Variants in GOSR2 observed in about 807,000 individuals in gnomAD.
GOSR2 encodes golgi SNAP receptor complex member 2.
GOSR2 carries 20 observed loss-of-function variants against 27.9 expected under a neutral mutation model. The observed-to-expected ratio is 0.72, with a 90% CI of 0.50 to 1.04. The LOEUF is 1.04. GOSR2 is among the 50% of genes least tolerant of loss of function. The probability of loss-of-function intolerance (pLI) is 0.00; values close to 1 mark genes in which losing one functional copy is unlikely to be tolerated. For synonymous variants in GOSR2, 91 were observed against 98.8 expected (o/e 0.92, Z 0.47); for missense variants, 261 against 270.5 (o/e 0.97, Z 0.25).
chr17:46,931,107 A>C lies in GOSR2; in HGVS notation c.103A>C (p.Asn35His). 1 of 1,579,566 alleles carries C rather than the reference A, an allele frequency of 6.3e-7. No homozygotes were observed. The highest frequency in any genetic ancestry group is 1.8e-4 in the Middle Eastern group (1 of 5,618). The part of the protein sequence containing the change: ...ADKQSVHIVE[N>H]EIQASIDQIF... ...TTTTCTTTTTTGTACAGTAGTAGAA[A>C]ACGAAATCCAAGCAAGCATAGACCA... The change falls in exon 3 of 6, where the codon AAC becomes CAC. Residue 35 changes from asparagine (N) to histidine (H), a missense_variant. By Grantham distance (68) the Asn-to-His change is moderately conservative (BLOSUM62 1). Coordinates refer to ENST00000640051, the MANE Select transcript of GOSR2 (RefSeq NM_004287.5).
At chr17:46,931,025 AT>A (rs1220330180) in intron 2 of GOSR2, 73 bp from the exon 3 acceptor site, 4 of 854,510 alleles carry the variant, frequency 4.7e-6, no homozygotes, top group Non-Finnish European at 8.1e-6. Flanking sequence ...TGAAAAAAAA[AT>A]CTGTGATTTA....
downstream of GOSR2, among the ~76,000 whole-genome samples, chr17:46,943,070 G>T (rs1383369258): frequency 6.6e-6 from 1 of 152,194 alleles, no homozygotes; most frequent in African/African-American, 2.4e-5. Flanking sequence ...GGGGCATTGG[G>T]AGTTGCCCAA....
chr17:46,962,301 C>T (rs2091104340), intron 6 of GOSR2, among the ~76,000 whole-genome samples: 1 of 149,746 alleles, frequency 6.7e-6, no homozygotes, highest in African/African-American at 2.5e-5. Context: ...TGCACTCCAA[C>T]CTGGGCAATA....
exon 7 of GOSR2, chr17:46,966,873 C>A: frequency 2.5e-6 from 1 of 405,892 alleles, no homozygotes; most frequent in Non-Finnish European, 4.3e-6. Flanking sequence ...CTCTAAATGG[C>A]CATTATGCTA....
intron 6 of GOSR2, among the ~76,000 whole-genome samples, chr17:46,974,732 TCA>T (rs2091429528): frequency 3.8e-5 from 2 of 52,636 alleles, no homozygotes; most frequent in Non-Finnish European, 9.3e-5. Flanking sequence ...AGACTCTCTC[TCA>T]AAAAAAAAAA....
chr17:46,947,499 C>G (rs1368393552), intron 6 of GOSR2, among the ~76,000 whole-genome samples: 1 of 152,134 alleles, frequency 6.6e-6, no homozygotes. Context: ...AGCTGTCAGG[C>G]TGGTGTGGGT....
At chr17:46,933,902 G>C (rs1011560658) in intron 4 of GOSR2, among the ~76,000 whole-genome samples, 18 of 151,122 alleles carry the variant, frequency 1.2e-4, no homozygotes, top group African/African-American at 7.3e-5. Context: ...GTAGGTCAAG[G>C]CTGCTCTCTA....
intron 6 of GOSR2, among the ~76,000 whole-genome samples, chr17:46,954,649 T>A (rs868691413): frequency 3.9e-5 from 6 of 152,258 alleles, no homozygotes; most frequent in Admixed American, 6.5e-5. Context: ...TGATTCTTCC[T>A]ACCCATGAGC....
Position 46,940,375 on chromosome 17 carries a change from T to C in GOSR2, c.*1615T>C. ...GCCCTGCCAGAGTTAAAGCAGTGAC[T>C]GGAGGGTGGACTGGGGGGTTGCAGC... On this transcript the variant is annotated 3_prime_UTR_variant, in exon 6 of 6. Transcript: ENST00000640051. The C allele has an allele frequency of 2.3e-5, 35 of 1,519,222 alleles. No individual in the cohort carries two copies. Among genetic ancestry groups the C allele is most frequent in the Non-Finnish European group, 3.1e-5 (35 of 1,136,910 alleles). The allele number at this position is 1,519,222 out of a possible 1,614,324, so 94.1% of individuals were successfully genotyped here.
chr17:46,956,640 T>C (rs1388228305), intron 6 of GOSR2, among the ~76,000 whole-genome samples: 2 of 152,120 alleles, frequency 1.3e-5, no homozygotes, highest in Middle Eastern at 3.2e-3. Flanking sequence ...CCTTGATGAT[T>C]GTGTAATGAT....
At chr17:46,973,963 G>A (rs1188944411) in intron 6 of GOSR2, among the ~76,000 whole-genome samples, 1 of 152,150 alleles carries the variant, frequency 6.6e-6, no homozygotes, top group Non-Finnish European at 1.5e-5. Flanking sequence ...CTACTGAGTT[G>A]GGGTCTGGGG....
chr17:46,951,202 G>A (rs1381152727), intron 6 of GOSR2, among the ~76,000 whole-genome samples: 1 of 152,186 alleles, frequency 6.6e-6, no homozygotes, highest in Non-Finnish European at 1.5e-5. Context: ...GAGGCAGACA[G>A]AGGTGGACGC....
intron 1 of GOSR2, among the ~76,000 whole-genome samples, chr17:46,927,936 C>A (rs2086732101): frequency 6.6e-6 from 1 of 152,082 alleles, no homozygotes; most frequent in Non-Finnish European, 1.5e-5. Context: ...TACCTCACAG[C>A]CTGCGTCAGG....
At position 46,941,000 on chromosome 17, in the gene GOSR2, C is replaced by A; in HGVS notation, c.*2240C>A. On this transcript the variant is annotated 3_prime_UTR_variant, in exon 6 of 6. Transcript: ENST00000640051. ...AGGGTCCAGGCCAGGGAAGGAGCAC[C>A]CTCTAGTGGAGGCGGGGGTGAATTC... The A allele has an allele frequency of 8.8e-7, 1 of 1,138,628 alleles. No homozygotes were observed. The highest frequency in any genetic ancestry group is 4.0e-4 in the Middle Eastern group (1 of 2,520). The allele number at this position is 1,138,628 out of a possible 1,614,324, so 70.5% of individuals were successfully genotyped here.
At chr17:46,937,207 CTA>C (rs1274147948) in intron 5 of GOSR2, 1 of 152,128 alleles carries the variant, frequency 6.6e-6, no homozygotes, top group Non-Finnish European at 1.5e-5. Context: ...GTGATGCCAT[CTA>C]TAGAAGGGTT....
At position 46,925,988 on chromosome 17, in the gene GOSR2, A is replaced by G. The variant is rs9905785; in HGVS notation, c.29+2767A>G. Among the ~76,000 whole-genome samples, 917 of 152,298 alleles carry G rather than the reference A, an allele frequency of 6.0e-3. 4 individuals carry two copies. The highest frequency in any genetic ancestry group is 0.021 in the African/African-American group (866 of 41,550). On this transcript the variant is annotated intron_variant, in intron 1 of 5. Coordinates refer to ENST00000640051, the MANE Select transcript of GOSR2 (RefSeq NM_004287.5). ...GTAAAGGTGACCACATTTGTCCCCT[A>G]TGTAGTCCAAGATCAGTCTCCTGTC...
At chr17:46,959,265 T>C (rs1250789295) in intron 6 of GOSR2, among the ~76,000 whole-genome samples, 3 of 152,192 alleles carry the variant, frequency 2.0e-5, no homozygotes, top group Non-Finnish European at 2.9e-5. Context: ...ACCTCCAATT[T>C]ACAAACATTT....
intron 4 of GOSR2, 99 bp from the exon 5 acceptor site, chr17:46,934,930 C>G: frequency 9.6e-7 from 1 of 1,043,464 alleles, no homozygotes; most frequent in South Asian, 1.3e-5. Context: ...CCAGCCCCTC[C>G]GGCTGTTCTG....
intron 4 of GOSR2, among the ~76,000 whole-genome samples, chr17:46,934,045 C>T (rs969257460): frequency 2.0e-5 from 3 of 152,150 alleles, no homozygotes; most frequent in African/African-American, 7.2e-5. Flanking sequence ...GAGGACTTGG[C>T]TCCTGCCTAT....
Sources: gnomAD v4.1 joint callset for allele counts (sites outside exome capture counted in the v4.1 genomes callset) on GRCh38, gnomAD v4.1.1 for gene constraint, MANE v1.5 for transcripts, NCBI Gene and HGNC (gene_info 2026-07-23, HGNC 2026-07-21) for gene names.